SOS1: variants seen among roughly 807,000 people sequenced by gnomAD.
SOS1 encodes the protein SOS Ras/Rac guanine nucleotide exchange factor 1, also known as son of sevenless homolog 1.
SOS1 carries 25 observed loss-of-function variants against 157.6 expected under a neutral mutation model. That is an observed-to-expected ratio of 0.16 (90% CI 0.12 to 0.22). The LOEUF (loss-of-function observed/expected upper bound fraction) is 0.22, where lower values mean the gene tolerates loss of function less well. Among genes scored for constraint, SOS1 ranks in the 10% least tolerant of loss-of-function variants. The probability of loss-of-function intolerance (pLI) is 1.00; values close to 1 mark genes in which losing one functional copy is unlikely to be tolerated. For missense variants in SOS1, 1,237 were observed against 1,599.1 expected, an observed-to-expected ratio of 0.77 and a Z score of 3.86; for synonymous variants, 528 against 534.0, an observed-to-expected ratio of 0.99 and a Z score of 0.16.
chr2:39,124,255 G>A (rs1170204297), upstream of SOS1: 1 of 152,346 alleles, frequency 6.6e-6, no homozygotes, highest in African/African-American at 2.4e-5. Flanking sequence ...GGCACGTGTA[G>A]ACGTAAAAGT....
intron 22 of SOS1, 143 bp from the exon 23 acceptor site, chr2:38,986,458 T>C: frequency 1.2e-6 from 1 of 852,316 alleles, no homozygotes; most frequent in Non-Finnish European, 1.7e-6. Context: ...TGTTTTCTTT[T>C]TAATTAAAAA....
intron 6 of SOS1, among the ~76,000 whole-genome samples, chr2:39,043,824 C>T (rs893176373): frequency 7.2e-5 from 11 of 152,194 alleles, no homozygotes; most frequent in African/African-American, 2.4e-4. Context: ...CCACAGGCCC[C>T]ACCTCCAATC....
rs1455347865 is a variant in SOS1 at position 39,049,235 on chromosome 2, T to C, written c.864+1909A>G. ...GCCTGGCTATCCTTATTACTTTCAA[T>C]TGGCCTTTCATATTTCTTATCTTGG... On this transcript the variant is annotated intron_variant, in intron 6 of 22. Transcript: ENST00000402219. Among the ~76,000 whole-genome samples the C allele has an allele frequency of 6.6e-5, 10 of 152,324 alleles. No individual in the cohort carries two copies. In the East Asian group the frequency reaches 9.6e-4, roughly 15 times the overall value.
intron 1 of SOS1, among the ~76,000 whole-genome samples, chr2:39,076,449 G>C (rs527839343): frequency 6.6e-6 from 1 of 151,746 alleles, no homozygotes; most frequent in African/African-American, 2.4e-5. Context: ...GTTTAGAAAA[G>C]ATACTACACC....
intron 1 of SOS1, among the ~76,000 whole-genome samples, 155 bp downstream of exon 1, chr2:39,120,181 G>A (rs909945171): frequency 3.9e-5 from 6 of 152,056 alleles, no homozygotes; most frequent in African/African-American, 7.2e-5. Context: ...AGAGCCAGCC[G>A]TATGAGGGGG....
Position 39,010,660 on chromosome 2 carries a change from C to T in SOS1, c.2434G>A (p.Glu812Lys). 6.2e-7 allele frequency: 1 copy of T among 1,607,998 alleles called. No individual in the cohort carries two copies. The highest frequency in any genetic ancestry group is 8.5e-7 in the Non-Finnish European group (1 of 1,174,468). ...SELVGSVWTK[E>K]DKEINSPNLL... ...TTAGGAGAGTTAATTTCTTTGTCTT[C>T]TTTTGTCCACACACTTCCAACTAAT... Residue 812 changes from glutamate to lysine, a missense_variant, in exon 15 of 23, where the codon GAA becomes AAA. Transcript: ENST00000402219.
At chr2:39,042,748 G>C (rs1670619723) in intron 6 of SOS1, among the ~76,000 whole-genome samples, 1 of 144,902 alleles carries the variant, frequency 6.9e-6, no homozygotes, top group Non-Finnish European at 1.5e-5. Context: ...CAAAGGTCCT[G>C]TGTATCTTTA....
At chr2:39,051,777 G>A (rs527408688) in intron 5 of SOS1, among the ~76,000 whole-genome samples, 5 of 152,072 alleles carry the variant, frequency 3.3e-5, no homozygotes, top group Non-Finnish European at 7.4e-5. Context: ...CTAACATAGC[G>A]TACTAGAAGA....
chr2:39,118,817 CT>C (rs1166900001), intron 1 of SOS1, among the ~76,000 whole-genome samples: 2 of 152,172 alleles, frequency 1.3e-5, no homozygotes, highest in Non-Finnish European at 2.9e-5. Flanking sequence ...AAACAAAATG[CT>C]TTTGTGGACA....
At chr2:39,024,489 T>G (rs1043307408) in intron 8 of SOS1, among the ~76,000 whole-genome samples, 2 of 152,008 alleles carry the variant, frequency 1.3e-5, no homozygotes, top group African/African-American at 4.8e-5. Flanking sequence ...CGAGGTTTTT[T>G]TTTTTTTAAG....
intron 1 of SOS1, among the ~76,000 whole-genome samples, chr2:39,084,075 A>C (rs907766260): frequency 6.6e-6 from 1 of 152,206 alleles, no homozygotes; most frequent in Admixed American, 6.5e-5. Context: ...ACAGCCATCT[A>C]TAAGCCAAGG....
intron 19 of SOS1, among the ~76,000 whole-genome samples, chr2:38,996,147 T>C (rs1422270312): frequency 6.6e-6 from 1 of 152,146 alleles, no homozygotes; most frequent in Non-Finnish European, 1.5e-5. Context: ...TGGATAGCCA[T>C]GGCACGATCT....
chr2:39,043,100 C>G (rs1445617142), intron 6 of SOS1, among the ~76,000 whole-genome samples: 1 of 151,930 alleles, frequency 6.6e-6, no homozygotes, highest in Non-Finnish European at 1.5e-5. Context: ...TATAGTTTAA[C>G]TATTATTATA....
intron 15 of SOS1, among the ~76,000 whole-genome samples, chr2:39,007,938 G>T (rs952912151): frequency 5.9e-5 from 9 of 152,040 alleles, no homozygotes; most frequent in African/African-American, 2.2e-4. Context: ...GGTAAGAGAG[G>T]GGAGAGAGTC....
At chr2:39,029,420 G>A (rs1670080013) in intron 8 of SOS1, among the ~76,000 whole-genome samples, 1 of 152,112 alleles carries the variant, frequency 6.6e-6, no homozygotes, top group South Asian at 2.1e-4. Flanking sequence ...GAGTCCAGGA[G>A]TTCAAGACTA....
upstream of SOS1, among the ~76,000 whole-genome samples, chr2:39,123,129 TTC>T: frequency 6.6e-6 from 1 of 152,304 alleles, no homozygotes; most frequent in Non-Finnish European, 1.5e-5. Flanking sequence ...AACATTGTTC[TTC>T]TCTCAGCCTA....
At chr2:39,086,447 G>A (rs866285604) in intron 1 of SOS1, among the ~76,000 whole-genome samples, 2 of 152,188 alleles carry the variant, frequency 1.3e-5, no homozygotes, top group Non-Finnish European at 2.9e-5. Flanking sequence ...ACTCCATTAT[G>A]CTTGAGATCT....
intron 1 of SOS1, among the ~76,000 whole-genome samples, chr2:39,117,318 C>T (rs927847270): frequency 6.6e-6 from 1 of 152,130 alleles, no homozygotes; most frequent in Non-Finnish European, 1.5e-5. Context: ...TGAGCCACTG[C>T]GCCCGGCCCT....
At position 38,998,845 on chromosome 2, in the gene SOS1, G is replaced by A. The variant is rs143575445; in HGVS notation, c.2792-1420C>T. On this transcript the variant is annotated intron_variant, in intron 17 of 22. Transcript: ENST00000402219. ...GTTCGTTCACTCCCCACATGTGTAC[G>A]GATTCTCTGCTGTAAGCCAAGTCCT... Among the ~76,000 whole-genome samples, 5 of 152,238 alleles carry A rather than the reference G, an allele frequency of 3.3e-5. No individual in the cohort carries two copies. The East Asian group carries it at 7.7e-4, about 24-fold the overall frequency.
Sources: gnomAD v4.1 joint callset for allele counts (sites outside exome capture counted in the v4.1 genomes callset) on GRCh38, gnomAD v4.1.1 for gene constraint, MANE v1.5 for transcripts, NCBI Gene and HGNC (gene_info 2026-07-23, HGNC 2026-07-21) for gene names.